Variants in ZNF423 observed in about 807,000 individuals in gnomAD.
ZNF423 encodes the protein zinc finger protein 423, also known as Ebf-associated zinc finger protein.
A neutral mutation model predicts 95.8 loss-of-function variants in ZNF423; 12 were observed. That is an observed-to-expected ratio of 0.13 (90% confidence interval 0.08 to 0.20). The LOEUF is 0.20. ZNF423 is among the 10% of genes least tolerant of loss of function. The pLI, the probability that ZNF423 is intolerant of heterozygous loss-of-function variation, is 1.00. For missense variants in ZNF423, 1,316 were observed against 1,737.1 expected (o/e 0.76, Z 4.31); for synonymous variants, 749 against 711.9 (o/e 1.05, Z -0.83).
intron 3 of ZNF423, chr16:49,664,246 T>A (rs1413675645): frequency 1.0e-6 from 1 of 985,284 alleles, no homozygotes; most frequent in Admixed American, 6.2e-5. Context: ...ACGGGACGCA[T>A]CCCCACCCGG....
chr16:49,527,180 G>A (rs769355050), intron 5 of ZNF423, among the ~76,000 whole-genome samples: 1 of 151,844 alleles, frequency 6.6e-6, no homozygotes, highest in Non-Finnish European at 1.5e-5. Flanking sequence ...ACACACACAC[G>A]TGCACACACA....
At chr16:49,695,462 T>C (rs1318091140) in intron 3 of ZNF423, among the ~76,000 whole-genome samples, 1 of 152,198 alleles carries the variant, frequency 6.6e-6, no homozygotes, top group African/African-American at 2.4e-5. Flanking sequence ...CCCGGCTAAT[T>C]TTGTATTTTT....
intron 5 of ZNF423, among the ~76,000 whole-genome samples, chr16:49,528,167 G>A (rs1383003662): frequency 6.6e-6 from 1 of 152,026 alleles, no homozygotes; most frequent in African/African-American, 2.4e-5. Context: ...TGTGAATGGC[G>A]ACGGGCCCAT....
intron 3 of ZNF423, among the ~76,000 whole-genome samples, chr16:49,683,068 C>T (rs181678733): frequency 3.3e-5 from 5 of 152,316 alleles, no homozygotes; most frequent in Admixed American, 2.6e-4. Context: ...AGTGGGGACC[C>T]GCCCTGGCCA....
At chr16:49,517,942 C>T in intron 7 of ZNF423, 4 of 453,278 alleles carry the variant, frequency 8.8e-6, no homozygotes, top group Non-Finnish European at 1.8e-5. Context: ...GATCAAAAGA[C>T]CATTGTTTTT....
At chr16:49,585,275 T>G (rs1970792717) in intron 5 of ZNF423, among the ~76,000 whole-genome samples, 1 of 152,024 alleles carries the variant, frequency 6.6e-6, no homozygotes, top group Non-Finnish European at 1.5e-5. Context: ...AGATCAGGTG[T>G]GGGTGAGAAA....
At chr16:49,848,633 C>A (rs1215389868) in intron 1 of ZNF423, among the ~76,000 whole-genome samples, 1 of 152,154 alleles carries the variant, frequency 6.6e-6, no homozygotes, top group Non-Finnish European at 1.5e-5. Context: ...ATTTTATATC[C>A]CAATTCAGAA....
intron 3 of ZNF423, among the ~76,000 whole-genome samples, chr16:49,654,508 G>C (rs1973534723): frequency 6.6e-6 from 1 of 152,224 alleles, no homozygotes; most frequent in Non-Finnish European, 1.5e-5. Context: ...CCTTAGCCAA[G>C]GCCACTGGGT....
chr16:49,692,870 A>C (rs1596866354), intron 3 of ZNF423, among the ~76,000 whole-genome samples: 1 of 152,242 alleles, frequency 6.6e-6, no homozygotes, highest in African/African-American at 2.4e-5. Flanking sequence ...ATCTCCATGA[A>C]GGCAAGGGCT....
At chr16:49,768,198 T>C (rs2033964112) in intron 2 of ZNF423, among the ~76,000 whole-genome samples, 1 of 152,150 alleles carries the variant, frequency 6.6e-6, no homozygotes, top group Non-Finnish European at 1.5e-5. Context: ...AGACACCACC[T>C]CTGCTCCAGC....
intron 2 of ZNF423, among the ~76,000 whole-genome samples, chr16:49,770,304 G>A (rs1050849339): frequency 1.4e-4 from 22 of 152,286 alleles, no homozygotes; most frequent in African/African-American, 3.9e-4. Context: ...CAACAGCACC[G>A]AGGCTCAGCC....
At chr16:49,749,059 AGAGAC>A (rs1289095789) in intron 2 of ZNF423, among the ~76,000 whole-genome samples, 8 of 152,222 alleles carry the variant, frequency 5.3e-5, no homozygotes, top group Non-Finnish European at 8.8e-5. Flanking sequence ...CATTAAATAA[AGAGAC>A]GAGGAAGGTG....
At position 49,563,858 on chromosome 16, in the gene ZNF423, G is replaced by A. The variant is rs115322020; in HGVS notation, c.3602-38364C>T. 2.9e-3 allele frequency among the ~76,000 whole-genome samples: 437 copies of A among 152,330 alleles called. 1 individual carries two copies. The highest frequency in any genetic ancestry group is 9.9e-3 in the African/African-American group (412 of 41,566). ...GATTGCTCATCAGGCAAGAAACCACGAGAATTCCATGTCTGCTCAAGAGCC... is the reference window on the plus strand; with the variant it reads ...GATTGCTCATCAGGCAAGAAACCACAAGAATTCCATGTCTGCTCAAGAGCC... On this transcript the variant is annotated intron_variant, in intron 5 of 7. Transcript: ENST00000563137.
At chr16:49,789,256 G>C (rs2034369856) in intron 2 of ZNF423, among the ~76,000 whole-genome samples, 1 of 152,232 alleles carries the variant, frequency 6.6e-6, no homozygotes, top group South Asian at 2.1e-4. Context: ...GTAGCCACAA[G>C]AAGGAAATGT....
At chr16:49,509,970 G>A (rs1318957468) in intron 7 of ZNF423, among the ~76,000 whole-genome samples, 4 of 152,228 alleles carry the variant, frequency 2.6e-5, no homozygotes, top group Non-Finnish European at 5.9e-5. Flanking sequence ...CCTGGTTGGT[G>A]GTGGTGCTAC....
intron 2 of ZNF423, among the ~76,000 whole-genome samples, chr16:49,732,581 T>C (rs1198266052): frequency 6.6e-6 from 1 of 152,202 alleles, no homozygotes; most frequent in Non-Finnish European, 1.5e-5. Flanking sequence ...TATGTACATG[T>C]GTGTACATGC....
At chr16:49,676,517 C>G (rs2031055494) in intron 3 of ZNF423, among the ~76,000 whole-genome samples, 1 of 152,194 alleles carries the variant, frequency 6.6e-6, no homozygotes, top group Admixed American at 6.5e-5. Context: ...GGAACAAAAA[C>G]AGCCTGGAGT....
intron 5 of ZNF423, among the ~76,000 whole-genome samples, chr16:49,546,656 C>T (rs1310864641): frequency 3.3e-5 from 5 of 152,170 alleles, no homozygotes; most frequent in Non-Finnish European, 5.9e-5. Context: ...TGAAGCTATC[C>T]GTGGAAGCTC....
At position 49,636,901 on chromosome 16, in the gene ZNF423, G is replaced by A. The variant is rs757246232; in HGVS notation, c.2275C>T (p.Arg759Cys). ...AAGTCCCAGTTGCAGGCCGTGCAGC[G>A]GTACATCTTCTTCTCATTGCTGTGC... The part of the protein sequence containing the change: ...VKHSNEKKMY[R>C]CTACNWDFRK... Residue 759 changes from arginine to cysteine, a missense_variant, in exon 4 of 8, where the codon CGC becomes TGC. Around this residue, in one of 6 missense-constraint regions of ZNF423, gnomAD observed 620 missense variants for 775.6 expected, o/e 0.80. Transcript: ENST00000563137. The surrounding 1 kb of genome is among the most constrained non-coding windows in gnomAD (Gnocchi z 8.6). The A allele has an allele frequency of 6.3e-5, 101 of 1,613,792 alleles. 1 individual carries two copies. Among genetic ancestry groups the A allele is most frequent in the Admixed American group, 2.3e-4 (14 of 60,006 alleles).
Sources: gnomAD v4.1 joint callset for allele counts (sites outside exome capture counted in the v4.1 genomes callset) on GRCh38, gnomAD v4.1.1 for gene constraint, gnomAD v4.1.1 regional missense constraint, Gnocchi (gnomAD v3.1) non-coding constraint, MANE v1.5 for transcripts, NCBI Gene and HGNC (gene_info 2026-07-23, HGNC 2026-07-21) for gene names.